The following MRPL3 variants were observed in gnomAD, a reference collection of about 807,000 sequenced individuals.
MRPL3 encodes mitochondrial ribosomal protein L3.
Under a neutral mutation model 44.3 loss-of-function variants are expected in MRPL3, and 43 were observed. That is an observed-to-expected ratio of 0.97 (90% CI 0.76 to 1.25). The LOEUF (loss-of-function observed/expected upper bound fraction) is 1.25, where lower values mean the gene tolerates loss of function less well. MRPL3 is among the 50% of genes most tolerant of loss of function. The pLI is 0.00. For synonymous variants in MRPL3, 171 were observed against 152.3 expected (o/e 1.12, Z -0.91); for missense variants, 406 against 427.6 (o/e 0.95, Z 0.45).
chr3:131,464,171 A>C (rs990875865), intron 9 of MRPL3, among the ~76,000 whole-genome samples: 11 of 147,306 alleles, frequency 7.5e-5, no homozygotes, highest in African/African-American at 2.7e-4. Flanking sequence ...AAACCCAAGC[A>C]AAAAAAACAA....
At chr3:131,498,718 A>G (rs921569726) in intron 3 of MRPL3, among the ~76,000 whole-genome samples, 3 of 151,638 alleles carry the variant, frequency 2.0e-5, no homozygotes, top group Admixed American at 2.0e-4. Flanking sequence ...AAAAAAAAAA[A>G]AAAAGATTAA....
chr3:131,489,658 G>C (rs1934205488), intron 5 of MRPL3, among the ~76,000 whole-genome samples: 1 of 151,950 alleles, frequency 6.6e-6, no homozygotes, highest in Non-Finnish European at 1.5e-5. Flanking sequence ...CAAGAGCCTG[G>C]CTATTTTTCA....
chr3:131,476,117 A>G (rs12330181), intron 6 of MRPL3, among the ~76,000 whole-genome samples: 47,650 of 152,146 alleles, frequency 0.31, 9,306 homozygotes, highest in Non-Finnish European at 0.44. Flanking sequence ...GTAAATAATT[A>G]TAAGATAAAA....
At chr3:131,501,938 T>C (rs933662340) in intron 1 of MRPL3, 2 of 1,530,848 alleles carry the variant, frequency 1.3e-6, no homozygotes, top group African/African-American at 1.4e-5. Context: ...GAGAAAAAAA[T>C]TCATCTTCTC....
chr3:131,490,701 C>A (rs753113334), intron 4 of MRPL3, among the ~76,000 whole-genome samples: 7 of 152,092 alleles, frequency 4.6e-5, no homozygotes, highest in Non-Finnish European at 8.8e-5. Flanking sequence ...TTGTCTATAC[C>A]AGCACTAATA....
intron 3 of MRPL3, among the ~76,000 whole-genome samples, chr3:131,499,819 T>G (rs1042175568): frequency 6.6e-6 from 1 of 152,080 alleles, no homozygotes; most frequent in African/African-American, 2.4e-5. Context: ...TTGTTTCAAG[T>G]GCCTGACATT....
Position 131,502,858 on chromosome 3 carries a change from G to A in MRPL3, c.-37C>T. On this transcript the variant is annotated 5_prime_UTR_variant, in exon 1 of 10. Transcript: ENST00000264995. ...GGAAGACTCGACTCACGACTTCCGGGCGCCCTGCCGCTCTGCTTTCAGGGA... is the reference window on the plus strand; with the variant it reads ...GGAAGACTCGACTCACGACTTCCGGACGCCCTGCCGCTCTGCTTTCAGGGA... The A allele has an allele frequency of 6.3e-7, 1 of 1,590,156 alleles. No individual in the cohort carries two copies. Among genetic ancestry groups the A allele is most frequent in the Non-Finnish European group, 8.6e-7 (1 of 1,164,920 alleles).
Position 131,500,520 on chromosome 3 carries a change from A to C in MRPL3, c.279T>G (p.Gly93=). 1 of 1,613,174 alleles carries C rather than the reference A, an allele frequency of 6.2e-7. No homozygotes were observed. Among genetic ancestry groups the C allele is most frequent in the Non-Finnish European group, 8.5e-7 (1 of 1,179,412 alleles). ...AGGCAATAAGACCAACTCTAAAGGA[A>C]CCTGGCAATTAAAACCAAAGCAATG... The part of the protein sequence containing the change: ...EPWPIHPWEP[G]SFRVGLIALK... Residue 93 remains glycine, a splice_region_variant and synonymous_variant, in exon 3 of 10, where the codon GGT becomes GGG. Coordinates refer to ENST00000264995, the MANE Select transcript of MRPL3 (RefSeq NM_007208.4).
chr3:131,500,280 A>G (rs1261551116), intron 3 of MRPL3, 150 bp downstream of exon 3: 8 of 600,466 alleles, frequency 1.3e-5, no homozygotes, highest in East Asian at 5.6e-5. Context: ...TGAAACCACC[A>G]TAAGTTCTTT....
At chr3:131,501,799 G>T (rs764685797) in intron 1 of MRPL3, 84 bp from the exon 2 acceptor site, 1 of 1,591,204 alleles carries the variant, frequency 6.3e-7, no homozygotes, top group African/African-American at 1.4e-5. Context: ...TCACAAATTG[G>T]AAAGTGTAGT....
At chr3:131,492,123 T>A (rs1321714473) in intron 4 of MRPL3, among the ~76,000 whole-genome samples, 5 of 152,160 alleles carry the variant, frequency 3.3e-5, no homozygotes, top group Non-Finnish European at 1.5e-5. Flanking sequence ...CTTATTCAGG[T>A]ATCAATCAAA....
At chr3:131,494,745 G>C (rs151177978) in intron 4 of MRPL3, among the ~76,000 whole-genome samples, 220 of 152,224 alleles carry the variant, frequency 1.4e-3, no homozygotes, top group African/African-American at 5.1e-3. Context: ...TCTCAGTCAG[G>C]AGGAAAACCA....
intron 6 of MRPL3, chr3:131,479,052 C>T (rs776814476): frequency 2.1e-6 from 1 of 468,060 alleles, no homozygotes; most frequent in Non-Finnish European, 4.2e-6. Flanking sequence ...AGAGGTTTTT[C>T]AATTAGAACC....
chr3:131,463,083 G>T (rs1197031700), intron 9 of MRPL3, among the ~76,000 whole-genome samples: 1 of 152,126 alleles, frequency 6.6e-6, no homozygotes, highest in African/African-American at 2.4e-5. Flanking sequence ...AACTCAAGAA[G>T]CTATAAGGAT....
intron 6 of MRPL3, chr3:131,487,467 A>C (rs924359340): frequency 2.1e-6 from 1 of 470,054 alleles, no homozygotes; most frequent in East Asian, 3.9e-5. Context: ...AACAAATAAA[A>C]ATAAAAGCTA....
At chr3:131,486,016 A>G (rs953280342) in intron 6 of MRPL3, among the ~76,000 whole-genome samples, 1 of 152,194 alleles carries the variant, frequency 6.6e-6, no homozygotes, top group African/African-American at 2.4e-5. Context: ...AAATGAAATT[A>G]TCATTTATGT....
At chr3:131,487,455 AAAAC>A (rs1173153912) in intron 6 of MRPL3, 2 of 439,148 alleles carry the variant, frequency 4.6e-6, no homozygotes, top group East Asian at 4.3e-5. Context: ...TAATAAAAAA[AAAAC>A]AAATAAAAAT....
chr3:131,493,209 T>C (rs1934296090), intron 4 of MRPL3, among the ~76,000 whole-genome samples: 1 of 152,166 alleles, frequency 6.6e-6, no homozygotes, highest in African/African-American at 2.4e-5. Context: ...AGCTTCAAAG[T>C]TGAGGAAGAG....
chr3:131,479,672 C>T (rs935905299), intron 6 of MRPL3, among the ~76,000 whole-genome samples: 1 of 151,980 alleles, frequency 6.6e-6, no homozygotes, highest in Non-Finnish European at 1.5e-5. Flanking sequence ...GGTGAAACCC[C>T]GTCTCTACTA....
Sources: gnomAD v4.1 joint callset for allele counts (sites outside exome capture counted in the v4.1 genomes callset) on GRCh38, gnomAD v4.1.1 for gene constraint, MANE v1.5 for transcripts, NCBI Gene and HGNC (gene_info 2026-07-23, HGNC 2026-07-21) for gene names.